Variants in GMDS observed in about 807,000 individuals in gnomAD.
The protein encoded by GMDS is GDP-mannose 4,6-dehydratase.
A neutral mutation model predicts 49.9 loss-of-function variants in GMDS; 20 were observed. The ratio of observed to expected loss-of-function variants is 0.40; its 90% CI spans 0.28 to 0.58. The LOEUF (loss-of-function observed/expected upper bound fraction) is 0.58, where lower values mean the gene tolerates loss of function less well. Among genes scored for constraint, GMDS ranks in the 20% least tolerant of loss-of-function variants. GMDS has a pLI of 0.42. For missense variants in GMDS, 362 were observed against 481.4 expected (o/e 0.75, Z 2.32); for synonymous variants, 177 against 178.6 (o/e 0.99, Z 0.07).
chr6:1,648,284 G>A (rs1763548594), intron 9 of GMDS, among the ~76,000 whole-genome samples: 1 of 152,276 alleles, frequency 6.6e-6, no homozygotes. Context: ...TGGAAGTTAC[G>A]CTGGATACAT....
At chr6:1,858,450 C>T (rs1295689389) in intron 7 of GMDS, among the ~76,000 whole-genome samples, 1 of 152,060 alleles carries the variant, frequency 6.6e-6, no homozygotes, top group African/African-American at 2.4e-5. Flanking sequence ...GGCTTTTTTC[C>T]AAAAACCTTT....
intron 4 of GMDS, among the ~76,000 whole-genome samples, chr6:2,105,741 G>A (rs889771230): frequency 1.3e-5 from 2 of 152,156 alleles, no homozygotes; most frequent in Non-Finnish European, 2.9e-5. Context: ...TATGGAATGG[G>A]AGTAGAAAAG....
intron 1 of GMDS, among the ~76,000 whole-genome samples, chr6:2,183,104 C>T (rs1004994453): frequency 6.6e-6 from 1 of 152,168 alleles, no homozygotes; most frequent in African/African-American, 2.4e-5. Flanking sequence ...ATGTTGTTTT[C>T]ATGCCTGCTA....
chr6:2,156,581 A>G (rs571851722), intron 1 of GMDS, among the ~76,000 whole-genome samples: 1 of 152,224 alleles, frequency 6.6e-6, no homozygotes, highest in Non-Finnish European at 1.5e-5. Flanking sequence ...TAAAATATTA[A>G]GTGTAGTGAT....
chr6:1,786,799 G>A (rs865959668), intron 7 of GMDS, among the ~76,000 whole-genome samples: 1 of 149,392 alleles, frequency 6.7e-6, no homozygotes, highest in Non-Finnish European at 1.5e-5. Context: ...GTAATTTGTG[G>A]TTTTTTTTTT....
In GMDS at chr6:1,935,648, C is replaced by T. The variant is rs1762491182; in HGVS notation, c.644-5418G>A. Among the ~76,000 whole-genome samples, 3 of 152,092 alleles carry T rather than the reference C, an allele frequency of 2.0e-5. No individual in the cohort carries two copies. The South Asian group carries it at 6.2e-4, about 32-fold the overall frequency. On this transcript the variant is annotated intron_variant, in intron 6 of 10. Coordinates refer to ENST00000380815, the MANE Select transcript of GMDS (RefSeq NM_001500.4). ...GCAATAATAAACATTTCTTGAATGA[C>T]TTTGGCTTTCAATATTAACTCATTA...
chr6:1,854,982 T>G (rs542454244), intron 7 of GMDS, among the ~76,000 whole-genome samples: 1 of 152,368 alleles, frequency 6.6e-6, no homozygotes, highest in South Asian at 2.1e-4. Flanking sequence ...TCTGTGGGTC[T>G]GAGATGTGTA....
intron 4 of GMDS, among the ~76,000 whole-genome samples, chr6:2,052,408 G>A (rs766674647): frequency 6.6e-6 from 1 of 152,184 alleles, no homozygotes; most frequent in African/African-American, 2.4e-5. Context: ...GAAAGTTAAA[G>A]GATGGGAAGA....
chr6:1,909,790 A>G (rs1484362573), intron 7 of GMDS, among the ~76,000 whole-genome samples: 3 of 152,218 alleles, frequency 2.0e-5, no homozygotes, highest in African/African-American at 7.2e-5. Context: ...CACCACAATG[A>G]AAGTGATACA....
chr6:2,096,565 T>C (rs920600805), intron 4 of GMDS, among the ~76,000 whole-genome samples: 7 of 152,148 alleles, frequency 4.6e-5, no homozygotes, highest in African/African-American at 1.7e-4. Context: ...ACAAGCTAAG[T>C]AACAGCTGTC....
At chr6:2,027,876 G>A (rs1016621345) in intron 4 of GMDS, among the ~76,000 whole-genome samples, 4 of 152,022 alleles carry the variant, frequency 2.6e-5, no homozygotes, top group African/African-American at 7.2e-5. Flanking sequence ...TAATCAAATT[G>A]GCTTTCTATC....
At chr6:1,629,387 G>C (rs1156244391) in intron 9 of GMDS, among the ~76,000 whole-genome samples, 1 of 152,090 alleles carries the variant, frequency 6.6e-6, no homozygotes, top group Non-Finnish European at 1.5e-5. Context: ...CAATAAGAGA[G>C]GAGAAGAAAA....
intron 4 of GMDS, among the ~76,000 whole-genome samples, chr6:2,028,362 A>C (rs927179680): frequency 1.3e-5 from 2 of 152,224 alleles, no homozygotes; most frequent in African/African-American, 4.8e-5. Flanking sequence ...AGCTTCTGCA[A>C]TTATCTCATC....
At chr6:2,230,091 G>A (rs1183113851) in intron 1 of GMDS, among the ~76,000 whole-genome samples, 2 of 151,828 alleles carry the variant, frequency 1.3e-5, no homozygotes, top group African/African-American at 4.9e-5. Flanking sequence ...AGACTCCTCT[G>A]AAGACCCCTC....
intron 7 of GMDS, among the ~76,000 whole-genome samples, chr6:1,758,541 T>C (rs1768042308): frequency 6.6e-6 from 1 of 152,198 alleles, no homozygotes; most frequent in South Asian, 2.1e-4. Flanking sequence ...ATTAGAATCA[T>C]CTGTCAGGCT....
chr6:2,098,393 G>A (rs971491783), intron 4 of GMDS, among the ~76,000 whole-genome samples: 5 of 152,102 alleles, frequency 3.3e-5, no homozygotes, highest in Non-Finnish European at 5.9e-5. Context: ...TTCAAATAAG[G>A]AAAATTTAGT....
intron 7 of GMDS, among the ~76,000 whole-genome samples, chr6:1,752,348 AAGGAATGAAC>A (rs1767768475): frequency 6.6e-6 from 1 of 152,230 alleles, no homozygotes; most frequent in Admixed American, 6.5e-5. Context: ...AAAGAATGAA[AAGGAATGAAC>A]AAAGCCTTCA....
chr6:2,213,849 T>A (rs1780188907), intron 1 of GMDS, among the ~76,000 whole-genome samples: 1 of 152,198 alleles, frequency 6.6e-6, no homozygotes, highest in Non-Finnish European at 1.5e-5. Flanking sequence ...AAGGTAATGT[T>A]CCTTACATAC....
intron 5 of GMDS, among the ~76,000 whole-genome samples, chr6:1,960,269 T>C (rs1187428831): frequency 1.3e-5 from 2 of 152,162 alleles, no homozygotes; most frequent in African/African-American, 2.4e-5. Context: ...TTTGAGGAAT[T>C]AGAATGGAAA....
Sources: allele counts gnomAD v4.1 joint callset (sites outside exome capture counted in the v4.1 genomes callset), GRCh38; gene constraint gnomAD v4.1.1; transcripts MANE v1.5; gene names NCBI Gene and HGNC (gene_info 2026-07-23, HGNC 2026-07-21).